The following LRP1B variants were observed in gnomAD, a reference collection of about 807,000 sequenced individuals.
The protein encoded by LRP1B is LDL receptor related protein 1B, also known as low-density lipoprotein receptor-related protein 1B.
Under a neutral mutation model 556.6 loss-of-function variants are expected in LRP1B, and 217 were observed. The ratio of observed to expected loss-of-function variants is 0.39; its 90% CI spans 0.35 to 0.44. The LOEUF (loss-of-function observed/expected upper bound fraction) is 0.44. Among genes scored for constraint, LRP1B ranks in the 20% least tolerant of loss-of-function variants. The pLI is 1.00. For missense variants in LRP1B, 5,053 were observed against 5,620.8 expected, an observed-to-expected ratio of 0.90 and a Z score of 3.23; for synonymous variants, 2,047 against 1,865.8, an observed-to-expected ratio of 1.10 and a Z score of -2.50.
rs182386838 is a variant in LRP1B at position 141,692,695 on chromosome 2, G to A, written c.205+117584C>T. On this transcript the variant is annotated intron_variant, in intron 2 of 90. Coordinates refer to ENST00000389484, the MANE Select transcript of LRP1B (RefSeq NM_018557.3). Reference sequence around the variant, plus strand: ...TAGGTCATTTTGCCATTGTGCAAACGTCATAGAATGTACTTACCAAACATA... The same window carrying A: ...TAGGTCATTTTGCCATTGTGCAAACATCATAGAATGTACTTACCAAACATA... Among the ~76,000 whole-genome samples, 123 of 152,018 alleles carry A rather than the reference G, an allele frequency of 8.1e-4. No homozygotes were observed. In the South Asian group the frequency reaches 0.012, roughly 15 times the overall value.
intron 1 of LRP1B, among the ~76,000 whole-genome samples, chr2:142,047,163 G>A (rs1289530596): frequency 1.3e-5 from 2 of 151,898 alleles, no homozygotes; most frequent in Admixed American, 1.3e-4. Context: ...CAATGCAGGG[G>A]CCTGGCCATA....
At chr2:141,007,288 C>A (rs1160219666) in intron 14 of LRP1B, among the ~76,000 whole-genome samples, 5 of 151,814 alleles carry the variant, frequency 3.3e-5, no homozygotes, top group Admixed American at 1.3e-4. Context: ...AATAAATATT[C>A]AACACATTAC....
chr2:141,644,729 TCACACACACACACA>T (rs3039268), intron 2 of LRP1B, among the ~76,000 whole-genome samples: 6 of 141,616 alleles, frequency 4.2e-5, no homozygotes, highest in Admixed American at 1.4e-4. Flanking sequence ...CAGTCATTGA[TCACACACACACACA>T]CACACACACA....
At chr2:142,092,521 T>C (rs1706210745) in intron 1 of LRP1B, among the ~76,000 whole-genome samples, 1 of 151,986 alleles carries the variant, frequency 6.6e-6, no homozygotes, top group African/African-American at 2.4e-5. Context: ...TAGAAACAAA[T>C]ACAAGAAATC....
At chr2:141,227,731 T>A (rs1225167626) in intron 6 of LRP1B, among the ~76,000 whole-genome samples, 1 of 152,208 alleles carries the variant, frequency 6.6e-6, no homozygotes, top group Non-Finnish European at 1.5e-5. Context: ...ACAATTTGCC[T>A]TTGACTCATT....
At chr2:140,936,339 CAAAAAAAAAA>C (rs59717868) in intron 20 of LRP1B, among the ~76,000 whole-genome samples, 4 of 86,824 alleles carry the variant, frequency 4.6e-5, no homozygotes, top group Admixed American at 1.4e-4. Flanking sequence ...GACTCCGTCT[CAAAAAAAAAA>C]AAAAAAAAAA....
At chr2:140,905,586 C>T (rs1476837511) in intron 22 of LRP1B, among the ~76,000 whole-genome samples, 1 of 152,100 alleles carries the variant, frequency 6.6e-6, no homozygotes, top group East Asian at 1.9e-4. Flanking sequence ...TACTTGCTGC[C>T]ACTGCCTCTT....
chr2:141,326,366 G>A (rs1334365050), intron 3 of LRP1B, among the ~76,000 whole-genome samples: 4 of 152,028 alleles, frequency 2.6e-5, no homozygotes, highest in Admixed American at 2.0e-4. Flanking sequence ...AAGTTAACTC[G>A]ATAAAGGAAA....
chr2:140,433,407 C>T (rs964358666), intron 66 of LRP1B, among the ~76,000 whole-genome samples: 27 of 152,198 alleles, frequency 1.8e-4, no homozygotes, highest in African/African-American at 6.5e-4. Flanking sequence ...AGATGTTATA[C>T]TTGCAATAGT....
chr2:141,741,449 C>T (rs1395706827), intron 2 of LRP1B, among the ~76,000 whole-genome samples: 2 of 151,812 alleles, frequency 1.3e-5, no homozygotes, highest in East Asian at 3.9e-4. Context: ...TCTCCACTTC[C>T]TTGCCAGCAT....
At chr2:140,456,372 A>G (rs1687107084) in intron 62 of LRP1B, 83 bp downstream of exon 62, 1 of 1,326,112 alleles carries the variant, frequency 7.5e-7, no homozygotes, top group African/African-American at 1.5e-5. Flanking sequence ...CAATGTATGG[A>G]ATGATCATTC....
intron 2 of LRP1B, among the ~76,000 whole-genome samples, chr2:141,666,858 C>A (rs757327893): frequency 1.4e-4 from 21 of 152,124 alleles, no homozygotes; most frequent in Non-Finnish European, 1.2e-4. Context: ...ACATGGAAAC[C>A]ATTTAACCTT....
chr2:141,419,460 C>A (rs1398883795), intron 3 of LRP1B, among the ~76,000 whole-genome samples: 1 of 152,132 alleles, frequency 6.6e-6, no homozygotes, highest in African/African-American at 2.4e-5. Flanking sequence ...TCTTACTGGT[C>A]ATAGATCTGT....
chr2:142,037,364 G>A (rs1458578185), intron 1 of LRP1B, among the ~76,000 whole-genome samples: 3 of 149,720 alleles, frequency 2.0e-5, no homozygotes, highest in Non-Finnish European at 4.4e-5. Flanking sequence ...GTCTGGTTTA[G>A]AACTTTAGAG....
intron 86 of LRP1B, among the ~76,000 whole-genome samples, chr2:140,266,846 A>G (rs1218197381): frequency 6.6e-6 from 1 of 152,070 alleles, no homozygotes; most frequent in African/African-American, 2.4e-5. Context: ...AATAATTAGC[A>G]AATGATATTT....
At chr2:140,365,898 G>A (rs1171901083) in intron 71 of LRP1B, among the ~76,000 whole-genome samples, 1 of 151,684 alleles carries the variant, frequency 6.6e-6, no homozygotes, top group Non-Finnish European at 1.5e-5. Flanking sequence ...CCTAGAAAAT[G>A]CCTAGAAAGA....
At chr2:141,141,834 G>A (rs1701660681) in intron 7 of LRP1B, among the ~76,000 whole-genome samples, 1 of 152,062 alleles carries the variant, frequency 6.6e-6, no homozygotes, top group South Asian at 2.1e-4. Flanking sequence ...ATGGCAATCT[G>A]TATGTGAAAA....
intron 7 of LRP1B, among the ~76,000 whole-genome samples, chr2:141,112,607 T>A (rs182144531): frequency 2.6e-5 from 4 of 152,320 alleles, no homozygotes; most frequent in Admixed American, 2.6e-4. Context: ...CAATTTATAA[T>A]AAATACAATG....
intron 16 of LRP1B, among the ~76,000 whole-genome samples, chr2:140,990,448 G>T (rs1697058471): frequency 6.6e-6 from 1 of 151,910 alleles, no homozygotes; most frequent in Non-Finnish European, 1.5e-5. Flanking sequence ...TCTCTGTCCA[G>T]TGTTTCTTGG....
Sources: gnomAD v4.1 joint callset for allele counts (sites outside exome capture counted in the v4.1 genomes callset) on GRCh38, gnomAD v4.1.1 for gene constraint, MANE v1.5 for transcripts, NCBI Gene and HGNC (gene_info 2026-07-23, HGNC 2026-07-21) for gene names.